Variants in DDC observed in about 807,000 individuals in gnomAD.
DDC encodes aromatic-L-amino-acid decarboxylase.
Under a neutral mutation model 60.0 loss-of-function variants are expected in DDC, and 43 were observed. The observed-to-expected ratio is 0.72, with a 90% CI of 0.56 to 0.92. The LOEUF (loss-of-function observed/expected upper bound fraction) is 0.92, where lower values mean the gene tolerates loss of function less well. DDC is among the 40% of genes least tolerant of loss of function. The pLI is 0.00. For missense variants in DDC, 573 were observed against 620.2 expected (o/e 0.92, Z 0.81); for synonymous variants, 232 against 234.6 (o/e 0.99, Z 0.10).
intron 6 of DDC, among the ~76,000 whole-genome samples, chr7:50,517,931 C>T (rs118185524): frequency 0.017 from 2,562 of 151,632 alleles, 42 homozygotes; most frequent in Middle Eastern, 0.031. Flanking sequence ...TAGATGGGGC[C>T]GGGCCTGGTG....
chr7:50,489,894 T>C (rs73119251), intron 9 of DDC, among the ~76,000 whole-genome samples: 14,461 of 152,270 alleles, frequency 0.095, 1,064 homozygotes, highest in South Asian at 0.12. Context: ...AATTATATAT[T>C]TTGGTCAAGA....
chr7:50,462,208 C>T (rs1329452371), intron 14 of DDC, among the ~76,000 whole-genome samples: 1 of 108,290 alleles, frequency 9.2e-6, no homozygotes, highest in Non-Finnish European at 1.8e-5. Context: ...GATTCTTCCA[C>T]CAAATGGGAC....
At chr7:50,480,201 T>A (rs2042736321) in intron 9 of DDC, among the ~76,000 whole-genome samples, 1 of 152,104 alleles carries the variant, frequency 6.6e-6, no homozygotes, top group African/African-American at 2.4e-5. Context: ...GGGCTGGAGA[T>A]GAGTTGGCCA....
intron 1 of DDC, among the ~76,000 whole-genome samples, chr7:50,557,055 T>C (rs973190928): frequency 6.6e-6 from 1 of 152,148 alleles, no homozygotes; most frequent in Non-Finnish European, 1.5e-5. Context: ...ATTATTATTA[T>C]TGATGCTACA....
At chr7:50,545,384 T>C (rs976246082) in intron 1 of DDC, among the ~76,000 whole-genome samples, 1 of 152,200 alleles carries the variant, frequency 6.6e-6, no homozygotes, top group African/African-American at 2.4e-5. Flanking sequence ...AACAGGACAG[T>C]GAACAACACA....
intron 7 of DDC, among the ~76,000 whole-genome samples, chr7:50,500,729 GAC>G (rs2043233712): frequency 6.6e-6 from 1 of 152,212 alleles, no homozygotes; most frequent in Non-Finnish European, 1.5e-5. Flanking sequence ...GTGTCCGCAG[GAC>G]ACACTTGACC....
chr7:50,489,921 G>A (rs1212340872), intron 9 of DDC, among the ~76,000 whole-genome samples: 2 of 152,150 alleles, frequency 1.3e-5, no homozygotes, highest in Non-Finnish European at 2.9e-5. Flanking sequence ...AAATTTAATA[G>A]ATTTGTTTAT....
intron 6 of DDC, among the ~76,000 whole-genome samples, chr7:50,517,771 A>G (rs1030032241): frequency 1.3e-5 from 2 of 151,366 alleles, no homozygotes; most frequent in African/African-American, 4.9e-5. Context: ...TAGCTCTTCT[A>G]TACACCAACA....
At chr7:50,528,333 T>C (rs2153545687) in intron 5 of DDC, 53 bp from the exon 6 acceptor site, 2 of 1,611,454 alleles carry the variant, frequency 1.2e-6, no homozygotes, top group Middle Eastern at 1.7e-4. Context: ...ATGCAGTTAT[T>C]ACCAGGCCCT....
chr7:50,484,821 A>C (rs922624299), intron 9 of DDC, among the ~76,000 whole-genome samples: 4 of 152,146 alleles, frequency 2.6e-5, no homozygotes, highest in African/African-American at 9.7e-5. Context: ...CTGGCTCCTT[A>C]CGTTTTCTTT....
At chr7:50,546,299 T>C (rs770235833) in intron 1 of DDC, among the ~76,000 whole-genome samples, 3 of 152,082 alleles carry the variant, frequency 2.0e-5, no homozygotes, top group South Asian at 2.1e-4. Flanking sequence ...ACCACTGCAA[T>C]AGGGATAGAA....
intron 9 of DDC, among the ~76,000 whole-genome samples, chr7:50,481,338 T>C (rs1235409707): frequency 2.0e-5 from 3 of 152,226 alleles, no homozygotes; most frequent in South Asian, 2.1e-4. Context: ...TCTTGCATCA[T>C]AGGCATTTTA....
intron 1 of DDC, among the ~76,000 whole-genome samples, chr7:50,562,699 G>C (rs1320844573): frequency 6.6e-6 from 1 of 152,234 alleles, no homozygotes; most frequent in East Asian, 1.9e-4. Flanking sequence ...GGGCGGAGCT[G>C]GGGCTGCACT....
intron 9 of DDC, among the ~76,000 whole-genome samples, chr7:50,491,319 T>C (rs2042993158): frequency 6.6e-6 from 1 of 152,144 alleles, no homozygotes; most frequent in African/African-American, 2.4e-5. Flanking sequence ...TGTTTGTTTG[T>C]TTGTTTGTTT....
chr7:50,529,443 A>C (rs1305616655), intron 4 of DDC, 101 bp from the exon 5 acceptor site: 1 of 1,460,116 alleles, frequency 6.8e-7, no homozygotes, highest in Non-Finnish European at 9.5e-7. Flanking sequence ...AGTTTTCTTA[A>C]AATATGAGTC....
chr7:50,552,705 A>G (rs1160759580), intron 1 of DDC, among the ~76,000 whole-genome samples: 1 of 152,228 alleles, frequency 6.6e-6, no homozygotes, highest in Non-Finnish European at 1.5e-5. Context: ...GGGGCCCTGG[A>G]CAACAGAGAG....
At chr7:50,475,488 C>G (rs2042621531) in intron 11 of DDC, among the ~76,000 whole-genome samples, 1 of 152,106 alleles carries the variant, frequency 6.6e-6, no homozygotes, top group Non-Finnish European at 1.5e-5. Context: ...GGAAGGTTTA[C>G]TGCTGCCCCC....
Position 50,463,506 on chromosome 7 carries a change from C to G in DDC, c.1243-75G>C, listed in dbSNP as rs578133330. 7 of 1,256,750 alleles carry G rather than the reference C, an allele frequency of 5.6e-6. No homozygotes were observed. In the South Asian group the frequency reaches 7.3e-5, roughly 13 times the overall value. 77.8% of individuals were successfully genotyped at this position (1,256,750 alleles called of 1,614,324 possible). ...AAATCAACTGGTCATGTAGGAAAGA[C>G]AGTGCTTGGCAACCCTACCGTACAT... On this transcript the variant is annotated intron_variant, in intron 13 of 14. Coordinates refer to ENST00000444124, the MANE Select transcript of DDC (RefSeq NM_001082971.2).
Position 50,463,264 on chromosome 7 carries a change from C to T in DDC, c.1410G>A (p.Leu470=), listed in dbSNP as rs2042323799. 2 of 1,614,128 alleles carry T rather than the reference C, an allele frequency of 1.2e-6. No individual in the cohort carries two copies. The highest frequency in any genetic ancestry group is 1.7e-6 in the Non-Finnish European group (2 of 1,179,980). The stretch of plus-strand genomic sequence containing the variant: ...TCTCTGCTCGCAGCACGTCGGCCGC[C>T]AGCTCTTTGATGTGTTCCCAGGCCC... ...VQRAWEHIKE[L]AADVLRAERE Residue 470 remains leucine (L), a synonymous_variant, in exon 14 of 15, where the codon CTG becomes CTA. Coordinates refer to ENST00000444124, the MANE Select transcript of DDC (RefSeq NM_001082971.2).
Sources: allele counts gnomAD v4.1 joint callset (sites outside exome capture counted in the v4.1 genomes callset), GRCh38; gene constraint gnomAD v4.1.1; transcripts MANE v1.5; gene names NCBI Gene and HGNC (gene_info 2026-07-23, HGNC 2026-07-21).